The following BRDT variants were observed in gnomAD, a reference collection of about 807,000 sequenced individuals.
BRDT encodes bromodomain testis-specific protein.
BRDT carries 77 observed loss-of-function variants against 113.9 expected under a neutral mutation model. That is an observed-to-expected ratio of 0.68 (90% CI 0.56 to 0.82). The LOEUF (loss-of-function observed/expected upper bound fraction) is 0.82. Among genes scored for constraint, BRDT ranks in the 40% least tolerant of loss-of-function variants. BRDT has a pLI of 0.00. For synonymous variants in BRDT, 358 were observed against 366.5 expected (o/e 0.98, Z 0.26); for missense variants, 1,027 against 1,105.4 (o/e 0.93, Z 1.01).
Position 92,002,034 on chromosome 1 carries a change from A to T in BRDT, c.2288-15A>T. The T allele has an allele frequency of 6.4e-7, 1 of 1,567,822 alleles. No homozygotes were observed. Among genetic ancestry groups the T allele is most frequent in the Non-Finnish European group, 8.8e-7 (1 of 1,142,268 alleles). On this transcript the variant is annotated splice_polypyrimidine_tract_variant and intron_variant, in intron 15 of 18. Transcript: ENST00000399546. ...AATATTTTAATTATACTATTCTAAA[A>T]ATGTGTGCATCCAGGTGATTCTGAA...
intron 4 of BRDT, among the ~76,000 whole-genome samples, chr1:91,968,611 TAAAA>T (rs372318650): frequency 4.6e-5 from 7 of 151,780 alleles, no homozygotes; most frequent in African/African-American, 1.7e-4. Context: ...CTCTCTGTAT[TAAAA>T]AAAAATTTCC....
At chr1:92,012,930 T>C (rs1320450740) in intron 18 of BRDT, among the ~76,000 whole-genome samples, 1 of 141,536 alleles carries the variant, frequency 7.1e-6, no homozygotes, top group Admixed American at 7.2e-5. Context: ...AAAAAGAATG[T>C]AGTTCATGCC....
At chr1:91,984,640 A>C (rs903407002) in intron 12 of BRDT, among the ~76,000 whole-genome samples, 2 of 152,202 alleles carry the variant, frequency 1.3e-5, no homozygotes, top group African/African-American at 4.8e-5. Context: ...AAATAATTAA[A>C]AAAAATTTTT....
intron 18 of BRDT, among the ~76,000 whole-genome samples, chr1:92,006,710 G>A (rs546040727): frequency 2.0e-4 from 30 of 152,096 alleles, no homozygotes; most frequent in Non-Finnish European, 3.4e-4. Context: ...TTAGGCAATC[G>A]CCTGCCTCGG....
chr1:91,952,797 AAG>A (rs1553182605), intron 1 of BRDT, among the ~76,000 whole-genome samples: 2 of 150,938 alleles, frequency 1.3e-5, no homozygotes, highest in African/African-American at 2.4e-5. Context: ...AAAAAAAAAA[AAG>A]AGGGACCAAG....
chr1:91,998,315 A>G (rs181965903), intron 15 of BRDT, among the ~76,000 whole-genome samples: 3 of 152,124 alleles, frequency 2.0e-5, no homozygotes, highest in East Asian at 1.9e-4. Flanking sequence ...CTGAGAGCAC[A>G]TGGACACAGG....
intron 3 of BRDT, among the ~76,000 whole-genome samples, chr1:91,967,849 T>C (rs1570475436): frequency 2.0e-5 from 3 of 152,294 alleles, no homozygotes; most frequent in Non-Finnish European, 1.5e-5. Context: ...TCAGTTTTAA[T>C]ACCTGTTTGA....
chr1:91,957,376 C>T (rs1427717074), intron 1 of BRDT, among the ~76,000 whole-genome samples: 1 of 152,018 alleles, frequency 6.6e-6, no homozygotes, highest in East Asian at 1.9e-4. Flanking sequence ...GCCTGTAGTC[C>T]CAGCTACTCT....
intron 1 of BRDT, among the ~76,000 whole-genome samples, chr1:91,958,746 T>G (rs1682080067): frequency 6.6e-6 from 1 of 152,084 alleles, no homozygotes; most frequent in Non-Finnish European, 1.5e-5. Context: ...AAAGTAATTC[T>G]AGATAAAAAA....
In BRDT at chr1:92,002,052, A is replaced by G. The variant is rs1686901989; in HGVS notation, c.2291A>G (p.Asp764Gly). The G allele has an allele frequency of 6.2e-7, 1 of 1,608,856 alleles. No individual in the cohort carries two copies. The highest frequency in any genetic ancestry group is 8.5e-7 in the Non-Finnish European group (1 of 1,175,728). Residue 764 changes from aspartate (D) to glycine (G), a missense_variant, in exon 16 of 19, where the codon GAT becomes GGT. Physicochemically the swap from Asp to Gly is moderately conservative, Grantham distance 94. Transcript: ENST00000399546. ...SPLQILPPSG[D>G]SEQLSNGITV... ...TTCTAAAAATGTGTGCATCCAGGTGATTCTGAACAGCTCTCAAATGGCATA... is the reference window on the plus strand; with the variant it reads ...TTCTAAAAATGTGTGCATCCAGGTGGTTCTGAACAGCTCTCAAATGGCATA...
At chr1:91,979,241 G>C (rs1391711157) in intron 7 of BRDT, among the ~76,000 whole-genome samples, 1 of 151,276 alleles carries the variant, frequency 6.6e-6, no homozygotes, top group Non-Finnish European at 1.5e-5. Context: ...AGCCACCGAA[G>C]TAGCTGGGAT....
intron 1 of BRDT, chr1:91,957,391 G>A (rs960914089): frequency 6.6e-6 from 1 of 152,310 alleles, no homozygotes; most frequent in Non-Finnish European, 1.5e-5. Context: ...TACTCTGGAG[G>A]CTGAGGCAGG....
chr1:91,994,443 C>T (rs903777433), intron 15 of BRDT, among the ~76,000 whole-genome samples, 189 bp downstream of exon 15: 1 of 152,136 alleles, frequency 6.6e-6, no homozygotes, highest in Non-Finnish European at 1.5e-5. Context: ...TACCTGTAGG[C>T]ATTCATTATA....
chr1:91,988,385 T>C (rs558198735), intron 12 of BRDT, among the ~76,000 whole-genome samples: 5 of 152,134 alleles, frequency 3.3e-5, no homozygotes, highest in African/African-American at 9.6e-5. Flanking sequence ...TTGTTATCGA[T>C]TTTATTTTTA....
intron 16 of BRDT, among the ~76,000 whole-genome samples, chr1:92,003,157 T>C (rs1687007898): frequency 6.6e-6 from 1 of 152,144 alleles, no homozygotes; most frequent in Non-Finnish European, 1.5e-5. Flanking sequence ...TGGCTAATCA[T>C]TGGTGATTGG....
intron 18 of BRDT, among the ~76,000 whole-genome samples, chr1:92,013,406 C>T: frequency 6.6e-6 from 1 of 152,122 alleles, no homozygotes; most frequent in East Asian, 1.9e-4. Context: ...TGCTAATTCC[C>T]ATTCAAGAAG....
chr1:91,979,541 A>C, intron 7 of BRDT, 28 bp from the exon 8 acceptor site: 1 of 1,589,314 alleles, frequency 6.3e-7, no homozygotes, highest in Non-Finnish European at 8.6e-7. Context: ...AATACAGAAA[A>C]CCATAACAAA....
chr1:91,976,331 G>T lies in BRDT; in HGVS notation c.511G>T (p.Val171Leu). The part of the protein sequence containing the change: ...EKSSPSATEK[V>L]FKQQEIPSVF... ...ATCATCACCCAGCGCAACAGAAAAA[G>T]TATTTAAGCAGCAAGAAATTCCTTC... The change falls in exon 5 of 19, where the codon GTA (valine) becomes TTA (leucine). Residue 171 changes from valine (V) to leucine (L), a missense_variant. Physicochemically the swap from Val to Leu is conservative, Grantham distance 32. Coordinates refer to ENST00000399546, the MANE Select transcript of BRDT (RefSeq NM_207189.4). The T allele has an allele frequency of 6.2e-7, 1 of 1,612,754 alleles. No individual in the cohort carries two copies. Among genetic ancestry groups the T allele is most frequent in the Non-Finnish European group, 8.5e-7 (1 of 1,179,504 alleles).
chr1:92,014,294 C>T lies in BRDT; in HGVS notation c.*20C>T, dbSNP rs181245384. The stretch of plus-strand genomic sequence containing the variant: ...GATTAAAACTCAGTTTTTAAATTAA[C>T]CATCAACTTAAAATGAATGGTAAAA... On this transcript the variant is annotated 3_prime_UTR_variant, in exon 19 of 19. Transcript: ENST00000399546. The T allele has an allele frequency of 1.0e-4, 156 of 1,507,300 alleles. No homozygotes were observed. In the East Asian group the frequency reaches 2.7e-3, roughly 26 times the overall value. 93.4% of individuals were successfully genotyped at this position (1,507,300 alleles called of 1,614,324 possible).
Sources: allele counts gnomAD v4.1 joint callset (sites outside exome capture counted in the v4.1 genomes callset), GRCh38; gene constraint gnomAD v4.1.1; transcripts MANE v1.5; gene names NCBI Gene and HGNC (gene_info 2026-07-23, HGNC 2026-07-21).